The following ITPKB variants were observed in gnomAD, a reference collection of about 807,000 sequenced individuals.
The protein encoded by ITPKB is IP3 3-kinase B.
ITPKB carries 13 observed loss-of-function variants against 69.4 expected under a neutral mutation model. The ratio of observed to expected loss-of-function variants is 0.19; its 90% CI spans 0.12 to 0.30. ITPKB has a LOEUF of 0.30. Among genes scored for constraint, ITPKB ranks in the 10% least tolerant of loss-of-function variants. The probability of loss-of-function intolerance (pLI) is 1.00; values close to 1 mark genes in which losing one functional copy is unlikely to be tolerated. For missense variants in ITPKB, 1,240 were observed against 1,250.5 expected, an observed-to-expected ratio of 0.99 and a Z score of 0.13; for synonymous variants, 584 against 513.7, an observed-to-expected ratio of 1.14 and a Z score of -1.85.
intron 4 of ITPKB, among the ~76,000 whole-genome samples, chr1:226,645,527 A>G (rs1240271041): frequency 1.3e-5 from 2 of 152,176 alleles, no homozygotes; most frequent in Non-Finnish European, 1.5e-5. Flanking sequence ...ACTTCCAGAA[A>G]TGCCCAGCCA....
chr1:226,732,048 G>A (rs1207452515), intron 2 of ITPKB, among the ~76,000 whole-genome samples: 1 of 136,088 alleles, frequency 7.3e-6, no homozygotes, highest in African/African-American at 2.8e-5. Flanking sequence ...TTTACTATGT[G>A]TATGAGTTCG....
At position 226,736,138 on chromosome 1, in the gene ITPKB, C is replaced by A. The variant is rs1261005403; in HGVS notation, c.1321G>T (p.Asp441Tyr). ...PVGGGRWQLS[D>Y]RVEGGSPTLG... Reference sequence around the variant, plus strand: ...GTTGGGGACCCTCCCTCCACTCTGTCGGAGAGCTGCCAACGCCCCCCGCCC... The same window carrying A: ...GTTGGGGACCCTCCCTCCACTCTGTAGGAGAGCTGCCAACGCCCCCCGCCC... The change falls in exon 2 of 8, where the codon GAC becomes TAC. Residue 441 changes from aspartate (D) to tyrosine (Y), a missense_variant. Physicochemically the swap from Asp to Tyr is radical, Grantham distance 160 (BLOSUM62 -3). Around this residue, in one of 2 missense-constraint regions of ITPKB, gnomAD observed 992 missense variants for 853.8 expected, o/e 1.16. Transcript: ENST00000429204. 6 of 1,575,784 alleles carry A rather than the reference C, an allele frequency of 3.8e-6. No homozygotes were observed. The African/African-American group carries it at 4.0e-5, about 11-fold the overall frequency.
At chr1:226,635,003 C>T (rs1668802408) in intron 7 of ITPKB, 117 bp from the exon 8 acceptor site, 1 of 704,722 alleles carries the variant, frequency 1.4e-6, no homozygotes, top group African/African-American at 1.8e-5. Context: ...AGTTGGGTGC[C>T]TGCAATTCCA....
chr1:226,646,930 C>T (rs1259552474), intron 4 of ITPKB, among the ~76,000 whole-genome samples: 1 of 152,230 alleles, frequency 6.6e-6, no homozygotes, highest in Admixed American at 6.5e-5. Context: ...TTCCGCCAGC[C>T]CCTGGCTTCT....
chr1:226,703,568 G>C (rs958324067), intron 2 of ITPKB, among the ~76,000 whole-genome samples: 6 of 152,186 alleles, frequency 3.9e-5, no homozygotes, highest in Non-Finnish European at 7.4e-5. Context: ...CGCGGCCGGG[G>C]AGGGGGCGCC....
chr1:226,732,825 C>A (rs1423907397), intron 2 of ITPKB, among the ~76,000 whole-genome samples: 2 of 152,170 alleles, frequency 1.3e-5, no homozygotes, highest in East Asian at 3.9e-4. Context: ...GCCTGAATTT[C>A]AGCCATTGCA....
At chr1:226,654,471 G>A (rs942367617) in intron 2 of ITPKB, among the ~76,000 whole-genome samples, 6 of 152,176 alleles carry the variant, frequency 3.9e-5, no homozygotes, top group African/African-American at 1.2e-4. Context: ...AGAAGTTCCT[G>A]GTCTGAAGAG....
rs143087470 is a variant in ITPKB at position 226,691,608 on chromosome 1, A to G, written c.1933-42837T>C. Among the ~76,000 whole-genome samples the G allele has an allele frequency of 3.2e-4, 48 of 152,348 alleles. No homozygotes were observed. In the East Asian group the frequency reaches 7.1e-3, roughly 23 times the overall value. ...CATTTGGCCCAATATAGAGCAGAGC[A>G]AAACATTTTTATGGAGGAACAATGA... On this transcript the variant is annotated intron_variant, in intron 2 of 7. Transcript: ENST00000429204.
In ITPKB at chr1:226,735,653, C is replaced by T. The variant is rs1018829080; in HGVS notation, c.1806G>A (p.Ser602=). The T allele has an allele frequency of 2.5e-6, 4 of 1,611,842 alleles. No homozygotes were observed. The highest frequency in any genetic ancestry group is 2.2e-5 in the East Asian group (1 of 44,830). The change falls in exon 2 of 8, where the codon TCG becomes TCA. Residue 602 remains serine (S), a synonymous_variant. Transcript: ENST00000429204. ...ATGAGGAGAAGCCCGTGGAGGAGGC[C>T]GAGGAAGAGGACAGTTTCCTCAGGG... ...NLPLRKLSSS[S]ASSTGFSSSY... is the part of the protein sequence containing the mutation.
chr1:226,690,619 C>A (rs1250092443), intron 2 of ITPKB, among the ~76,000 whole-genome samples: 2 of 152,192 alleles, frequency 1.3e-5, no homozygotes, highest in East Asian at 3.8e-4. Flanking sequence ...AGATATAAAA[C>A]AGGACTTTTC....
chr1:226,702,973 G>GT (rs1270274627), intron 2 of ITPKB, among the ~76,000 whole-genome samples: 1 of 152,162 alleles, frequency 6.6e-6, no homozygotes, highest in East Asian at 1.9e-4. Context: ...CTGAGCTGGT[G>GT]TAACTGCAGG....
At chr1:226,650,700 G>C (rs530294106) in intron 2 of ITPKB, among the ~76,000 whole-genome samples, 2 of 152,370 alleles carry the variant, frequency 1.3e-5, no homozygotes, top group East Asian at 3.9e-4. Context: ...GACAGGGGCT[G>C]ACAGGCTTCA....
intron 2 of ITPKB, among the ~76,000 whole-genome samples, chr1:226,692,287 GCT>G (rs557969513): frequency 6.6e-6 from 1 of 151,532 alleles, no homozygotes; most frequent in South Asian, 2.1e-4. Flanking sequence ...TTATAATCCT[GCT>G]TGCCTGGCTT....
At chr1:226,708,261 T>C (rs1656860335) in intron 2 of ITPKB, among the ~76,000 whole-genome samples, 1 of 152,256 alleles carries the variant, frequency 6.6e-6, no homozygotes, top group African/African-American at 2.4e-5. Context: ...ATGGTTATCA[T>C]TAGCTTCTTT....
chr1:226,692,918 C>T (rs976950394), intron 2 of ITPKB, among the ~76,000 whole-genome samples: 1 of 152,250 alleles, frequency 6.6e-6, no homozygotes, highest in African/African-American at 2.4e-5. Context: ...AATCAGCAGA[C>T]AACAAAATCT....
intron 2 of ITPKB, among the ~76,000 whole-genome samples, chr1:226,692,609 C>A (rs1656384315): frequency 6.6e-6 from 1 of 152,192 alleles, no homozygotes; most frequent in Non-Finnish European, 1.5e-5. Context: ...CTCTGTCTTC[C>A]TCCAGAGAGC....
At chr1:226,717,895 G>A (rs918888333) in intron 2 of ITPKB, among the ~76,000 whole-genome samples, 4 of 152,228 alleles carry the variant, frequency 2.6e-5, no homozygotes, top group Non-Finnish European at 4.4e-5. Context: ...CACCCTGCCC[G>A]TTTTTATAGC....
intron 2 of ITPKB, among the ~76,000 whole-genome samples, chr1:226,698,731 C>A (rs1656560543): frequency 6.6e-6 from 1 of 152,258 alleles, no homozygotes; most frequent in Admixed American, 6.5e-5. Context: ...GCCCTCCCTG[C>A]TCCAGGCCAC....
At chr1:226,652,815 G>A (rs994307802) in intron 2 of ITPKB, among the ~76,000 whole-genome samples, 1 of 152,184 alleles carries the variant, frequency 6.6e-6, no homozygotes, top group Non-Finnish European at 1.5e-5. Context: ...GGCCTCCTGG[G>A]GCTGTGAGCC....
Sources: allele counts gnomAD v4.1 joint callset (sites outside exome capture counted in the v4.1 genomes callset), GRCh38; gene constraint gnomAD v4.1.1; regional missense constraint gnomAD v4.1.1; transcripts MANE v1.5; gene names NCBI Gene and HGNC (gene_info 2026-07-23, HGNC 2026-07-21).